The following GRHL2 variants were observed in gnomAD, a reference collection of about 807,000 sequenced individuals.
The protein encoded by GRHL2 is grainyhead-like protein 2 homolog.
GRHL2 carries 21 observed loss-of-function variants against 83.8 expected under a neutral mutation model. The ratio of observed to expected loss-of-function variants is 0.25; its 90% CI spans 0.18 to 0.36. The LOEUF (loss-of-function observed/expected upper bound fraction) is 0.36, where lower values mean the gene tolerates loss of function less well. Ranked by LOEUF, GRHL2 falls within the 10% of genes least tolerant of loss-of-function variation. The pLI, the probability that GRHL2 is intolerant of heterozygous loss-of-function variation, is 1.00. For synonymous variants in GRHL2, 280 were observed against 278.9 expected (o/e 1.00, Z -0.04); for missense variants, 623 against 781.8 (o/e 0.80, Z 2.42).
intron 14 of GRHL2, among the ~76,000 whole-genome samples, chr8:101,656,137 A>G (rs1813781232): frequency 6.6e-6 from 1 of 152,136 alleles, no homozygotes; most frequent in South Asian, 2.1e-4. Flanking sequence ...ACGTAGTTAT[A>G]TTTGTTCCAT....
At chr8:101,640,077 GC>G (rs1813369170) in intron 12 of GRHL2, among the ~76,000 whole-genome samples, 2 of 152,228 alleles carry the variant, frequency 1.3e-5, no homozygotes, top group South Asian at 4.1e-4. Context: ...CTTTCAGACA[GC>G]AGTTCTCAAC....
the GRHL2 span, among the ~76,000 whole-genome samples, chr8:101,676,006 T>C: frequency 1.3e-5 from 2 of 152,140 alleles, no homozygotes; most frequent in East Asian, 1.9e-4. Flanking sequence ...TGGCTGGCCA[T>C]ATGTAGAAAG....
chr8:101,544,807 G>A (rs948032650), intron 2 of GRHL2, among the ~76,000 whole-genome samples: 1 of 152,142 alleles, frequency 6.6e-6, no homozygotes, highest in South Asian at 2.1e-4. Flanking sequence ...CTTGCTTCCT[G>A]TTTCTTTTCT....
chr8:101,563,845 T>C (rs1357166461), intron 4 of GRHL2, among the ~76,000 whole-genome samples: 1 of 152,166 alleles, frequency 6.6e-6, no homozygotes, highest in Non-Finnish European at 1.5e-5. Context: ...ACTGAAATTA[T>C]CACTCCATGA....
intron 4 of GRHL2, among the ~76,000 whole-genome samples, chr8:101,563,056 T>G (rs1278588244): frequency 1.3e-5 from 2 of 152,230 alleles, no homozygotes; most frequent in Non-Finnish European, 2.9e-5. Flanking sequence ...CTGGGCATCA[T>G]TCTAAGGATA....
intron 1 of GRHL2, among the ~76,000 whole-genome samples, chr8:101,494,102 G>C (rs1378841732): frequency 3.3e-5 from 5 of 152,148 alleles, no homozygotes; most frequent in Admixed American, 2.6e-4. Context: ...TGGCGTTGCG[G>C]CCACCCCGAG....
At position 101,500,658 on chromosome 8, in the gene GRHL2, G is replaced by A. The variant is rs557877082; in HGVS notation, c.20+7869G>A. On this transcript the variant is annotated intron_variant, in intron 1 of 15. Transcript: ENST00000646743. The stretch of plus-strand genomic sequence containing the variant: ...TGAGTAGCTGGGACTATAGGTGTGC[G>A]CCACTATGCCCGGCTAATTTTTTGG... Among the ~76,000 whole-genome samples the A allele has an allele frequency of 1.8e-4, 28 of 152,158 alleles. 2 individuals are homozygous for A. Among genetic ancestry groups the A allele is most frequent in the South Asian group, 1.2e-3 (6 of 4,812 alleles).
chr8:101,678,828 ATG>A, the GRHL2 span, among the ~76,000 whole-genome samples: 1 of 151,314 alleles, frequency 6.6e-6, no homozygotes. Context: ...GACACCTCAC[ATG>A]GCAGGGTATT....
intron 7 of GRHL2, 84 bp from the exon 8 acceptor site, chr8:101,598,973 T>C (rs1812455232): frequency 1.1e-6 from 1 of 917,622 alleles, no homozygotes; most frequent in Admixed American, 1.8e-5. Flanking sequence ...AGTTTAAATT[T>C]ACCCATTGGA....
chr8:101,497,099 T>C (rs1810123313), intron 1 of GRHL2, among the ~76,000 whole-genome samples: 1 of 152,194 alleles, frequency 6.6e-6, no homozygotes, highest in Non-Finnish European at 1.5e-5. Context: ...AGTTTAATGT[T>C]GAGGGGTCCA....
At chr8:101,670,375 AT>A (rs892895202), downstream of GRHL2, among the ~76,000 whole-genome samples, 1 of 152,198 alleles carries the variant, frequency 6.6e-6, no homozygotes, top group African/African-American at 2.4e-5. Context: ...CTGTCTATAC[AT>A]GTCCACAGCT....
At chr8:101,676,454 G>GA in the GRHL2 span, among the ~76,000 whole-genome samples, 21 of 152,116 alleles carry the variant, frequency 1.4e-4, no homozygotes, top group South Asian at 4.0e-3. Context: ...AAAAACACAT[G>GA]AAAAAATGCT....
At chr8:101,538,472 C>T (rs977774333) in intron 1 of GRHL2, among the ~76,000 whole-genome samples, 1 of 152,144 alleles carries the variant, frequency 6.6e-6, no homozygotes, top group African/African-American at 2.4e-5. Context: ...ATGGCCTTAG[C>T]CTTGCTGTGA....
In GRHL2 at chr8:101,608,361, C is replaced by T. The variant is rs572843730; in HGVS notation, c.1098+9210C>T. ...GTAATATCTCCTTTATTATCTCTGA[C>T]AAGGGAATAACCATTCCTGTGAAGC... On this transcript the variant is annotated intron_variant, in intron 8 of 15. Coordinates refer to ENST00000646743, the MANE Select transcript of GRHL2 (RefSeq NM_024915.4). Among the ~76,000 whole-genome samples, 825 of 152,290 alleles carry T rather than the reference C, an allele frequency of 5.4e-3. 8 individuals are homozygous for T. The highest frequency in any genetic ancestry group is 0.018 in the African/African-American group (756 of 41,572).
intron 7 of GRHL2, among the ~76,000 whole-genome samples, chr8:101,581,018 A>G (rs893657114): frequency 6.6e-6 from 1 of 152,280 alleles, no homozygotes; most frequent in South Asian, 2.1e-4. Flanking sequence ...TTAAAAAACA[A>G]TTATTCGAAG....
chr8:101,664,328 G>GACTC, intron 14 of GRHL2, 126 bp from the exon 15 acceptor site: 1 of 683,352 alleles, frequency 1.5e-6, no homozygotes, highest in East Asian at 2.7e-5. Context: ...TTGAGAGTTC[G>GACTC]ACTCATGAGT....
intron 8 of GRHL2, among the ~76,000 whole-genome samples, chr8:101,605,485 G>A (rs924280724): frequency 6.6e-6 from 1 of 152,158 alleles, no homozygotes; most frequent in Non-Finnish European, 1.5e-5. Flanking sequence ...TTTGTATCCA[G>A]AAAGAAAGAA....
chr8:101,515,035 T>G (rs1810542446), intron 1 of GRHL2, among the ~76,000 whole-genome samples: 1 of 150,536 alleles, frequency 6.6e-6, no homozygotes, highest in African/African-American at 2.5e-5. Flanking sequence ...CCTTCCTTCC[T>G]TCCTTCCATC....
At chr8:101,599,558 C>T (rs945044790) in intron 8 of GRHL2, among the ~76,000 whole-genome samples, 7 of 152,236 alleles carry the variant, frequency 4.6e-5, no homozygotes, top group African/African-American at 1.7e-4. Context: ...CCCTTCCAGG[C>T]TTAAGCTGGT....
Sources: allele counts gnomAD v4.1 joint callset (sites outside exome capture counted in the v4.1 genomes callset), GRCh38; gene constraint gnomAD v4.1.1; transcripts MANE v1.5; gene names NCBI Gene and HGNC (gene_info 2026-07-23, HGNC 2026-07-21).